Variants in EPS15 observed in about 807,000 individuals in gnomAD.
EPS15 encodes the protein epidermal growth factor receptor substrate 15.
A neutral mutation model predicts 113.8 loss-of-function variants in EPS15; 72 were observed. That is an observed-to-expected ratio of 0.63 (90% confidence interval 0.52 to 0.77). The LOEUF is 0.77. EPS15 is among the 30% of genes least tolerant of loss of function. The probability of loss-of-function intolerance (pLI) is 0.00; values close to 1 mark genes in which losing one functional copy is unlikely to be tolerated. For synonymous variants in EPS15, 344 were observed against 363.4 expected (o/e 0.95, Z 0.61); for missense variants, 1,048 against 1,045.8 (o/e 1.00, Z -0.03).
At chr1:51,367,155 GC>G (rs767310385) in intron 21 of EPS15, among the ~76,000 whole-genome samples, 2 of 152,166 alleles carry the variant, frequency 1.3e-5, no homozygotes, top group Non-Finnish European at 2.9e-5. Context: ...ATTACATTCA[GC>G]TTTTAAATAA....
intron 16 of EPS15, 53 bp downstream of exon 16, chr1:51,405,852 T>C: frequency 2.7e-6 from 4 of 1,455,450 alleles, no homozygotes; most frequent in Non-Finnish European, 3.9e-6. Context: ...TCAGTGAAAC[T>C]TGGATCTGCA....
At chr1:51,462,870 A>ATTTTTTTTTTTTTTTT (rs34320767) in intron 7 of EPS15, among the ~76,000 whole-genome samples, 12 of 111,068 alleles carry the variant, frequency 1.1e-4, no homozygotes, top group African/African-American at 2.1e-4. Context: ...AAAAAGTCAG[A>ATTTTTTTTTTTTTTTT]TTTTTTTTTT....
chr1:51,389,643 A>G (rs1463394120), intron 21 of EPS15, among the ~76,000 whole-genome samples: 6 of 152,262 alleles, frequency 3.9e-5, no homozygotes, highest in African/African-American at 2.4e-5. Flanking sequence ...AAATCAATGT[A>G]TAAAAATCAC....
In EPS15 at chr1:51,406,430, A is replaced by G. The variant is rs116632162; in HGVS notation, c.1474-322T>C. ...GTCAAGGCTGCAGTGAGCCATGATC[A>G]CACCACTGCACTCGAGTGACAGAAT... On this transcript the variant is annotated intron_variant, in intron 15 of 24. Coordinates refer to ENST00000371733, the MANE Select transcript of EPS15 (RefSeq NM_001981.3). 5.1e-3 allele frequency among the ~76,000 whole-genome samples: 778 copies of G among 152,310 alleles called. 7 individuals are homozygous for G. The highest frequency in any genetic ancestry group is 6.3e-3 in the Non-Finnish European group (428 of 68,028).
At chr1:51,365,890 G>A (rs945013129) in intron 22 of EPS15, 63 bp downstream of exon 22, 2 of 1,105,990 alleles carry the variant, frequency 1.8e-6, no homozygotes, top group Non-Finnish European at 2.7e-6. Context: ...TAATTGAAAG[G>A]AGGATTGTTC....
intron 8 of EPS15, among the ~76,000 whole-genome samples, chr1:51,460,145 A>G (rs1654332221): frequency 6.6e-6 from 1 of 152,210 alleles, no homozygotes; most frequent in Non-Finnish European, 1.5e-5. Flanking sequence ...ACAACCACGA[A>G]AGAGAGTATC....
At chr1:51,371,281 C>A (rs1646643721) in intron 21 of EPS15, among the ~76,000 whole-genome samples, 1 of 152,096 alleles carries the variant, frequency 6.6e-6, no homozygotes. Flanking sequence ...GAGCCTCAGG[C>A]AGGTCCTTCA....
chr1:51,396,621 ATG>A lies in EPS15; in HGVS notation c.2053-2176_2053-2175del, dbSNP rs141827947. On this transcript the variant is annotated intron_variant, in intron 20 of 24. Transcript: ENST00000371733. ...GGAGAAAGGGAAAGGGCATAACCAC[ATG>A]TGTGTCAGGTTTAGTTTCTAGTCCT... 2.5e-3 allele frequency among the ~76,000 whole-genome samples: 388 copies of A among 152,236 alleles called. 12 individuals carry two copies. The East Asian group carries it at 0.068, about 27-fold the overall frequency.
chr1:51,382,510 C>T (rs1193599207), intron 21 of EPS15: 1 of 151,000 alleles, frequency 6.6e-6, no homozygotes, highest in African/African-American at 2.4e-5. Context: ...CCTCCACATC[C>T]CAGGTTCAAG....
intron 1 of EPS15, among the ~76,000 whole-genome samples, chr1:51,485,294 T>C (rs1644100304): frequency 6.6e-6 from 1 of 152,266 alleles, no homozygotes; most frequent in South Asian, 2.1e-4. Context: ...CAACCTGTCA[T>C]CGGACTTCCG....
intron 1 of EPS15, among the ~76,000 whole-genome samples, chr1:51,492,946 A>AGCCGGGCGCGGTGGC (rs1449367465): frequency 6.6e-6 from 1 of 152,168 alleles, no homozygotes; most frequent in African/African-American, 2.4e-5. Context: ...CAAAAACAAC[A>AGCCGGGCGCGGTGGC]GCCGGGCGCG....
At chr1:51,478,123 T>G (rs1045031369) in intron 2 of EPS15, among the ~76,000 whole-genome samples, 36 of 152,214 alleles carry the variant, frequency 2.4e-4, no homozygotes, top group Non-Finnish European at 5.0e-4. Context: ...ACTTGCTTTA[T>G]GAATCTGGGT....
intron 1 of EPS15, among the ~76,000 whole-genome samples, chr1:51,508,265 AGAGAG>A (rs1644542764): frequency 5.1e-5 from 7 of 136,346 alleles, no homozygotes; most frequent in South Asian, 4.4e-4. Flanking sequence ...AGAGAGAGAG[AGAGAG>A]AGAAAGAGAG....
chr1:51,413,679 A>G (rs1649951537), intron 13 of EPS15, among the ~76,000 whole-genome samples: 2 of 152,210 alleles, frequency 1.3e-5, no homozygotes, highest in South Asian at 4.1e-4. Flanking sequence ...CTATAGACCA[A>G]GGCTGATCTG....
chr1:51,395,720 A>G (rs886170352), intron 20 of EPS15, among the ~76,000 whole-genome samples: 2 of 152,224 alleles, frequency 1.3e-5, no homozygotes, highest in African/African-American at 2.4e-5. Context: ...AACAAATTGT[A>G]TATCTAGGAA....
At chr1:51,468,389 T>C (rs781293243) in intron 5 of EPS15, 84 bp downstream of exon 5, 47 of 1,021,770 alleles carry the variant, frequency 4.6e-5, no homozygotes, top group Non-Finnish European at 5.0e-5. Context: ...AGAATTCCTT[T>C]TAATATATTA....
At chr1:51,450,624 C>T (rs541802315) in intron 8 of EPS15, among the ~76,000 whole-genome samples, 7 of 151,732 alleles carry the variant, frequency 4.6e-5, no homozygotes, top group African/African-American at 4.9e-5. Flanking sequence ...TTTTTCTTCC[C>T]CTAACATGCT....
chr1:51,421,928 C>G, intron 12 of EPS15, 70 bp from the exon 13 acceptor site: 1 of 1,594,022 alleles, frequency 6.3e-7, no homozygotes, highest in Non-Finnish European at 8.6e-7. Flanking sequence ...TATCCATCCT[C>G]CTAATCCTGA....
At chr1:51,503,180 T>C (rs1488775732) in intron 1 of EPS15, among the ~76,000 whole-genome samples, 1 of 152,104 alleles carries the variant, frequency 6.6e-6, no homozygotes, top group Non-Finnish European at 1.5e-5. Context: ...CGTTCATAGA[T>C]CAGAAGACCT....
Sources: allele counts gnomAD v4.1 joint callset (sites outside exome capture counted in the v4.1 genomes callset), GRCh38; gene constraint gnomAD v4.1.1; transcripts MANE v1.5; gene names NCBI Gene and HGNC (gene_info 2026-07-23, HGNC 2026-07-21).